Variants in LAMA1 observed in about 807,000 individuals in gnomAD.
LAMA1 encodes the protein laminin subunit alpha-1.
In LAMA1, 219 loss-of-function variants were observed where a neutral mutation model predicts 348.7. The ratio of observed to expected loss-of-function variants is 0.63; its 90% CI spans 0.56 to 0.70. The LOEUF (loss-of-function observed/expected upper bound fraction) is 0.70, where lower values mean the gene tolerates loss of function less well. Among genes scored for constraint, LAMA1 ranks in the 30% least tolerant of loss-of-function variants. LAMA1 has a pLI of 0.00. For missense variants in LAMA1, 3,744 were observed against 3,888.0 expected (o/e 0.96, Z 0.99); for synonymous variants, 1,487 against 1,491.0 (o/e 1.00, Z 0.06).
intron 42 of LAMA1, among the ~76,000 whole-genome samples, chr18:6,980,230 T>C (rs2057704721): frequency 6.6e-6 from 1 of 152,204 alleles, no homozygotes; most frequent in Non-Finnish European, 1.5e-5. Context: ...TCCTTCTTCC[T>C]CTAAGCAATG....
At chr18:6,980,219 G>A (rs984277403) in intron 42 of LAMA1, among the ~76,000 whole-genome samples, 1 of 152,086 alleles carries the variant, frequency 6.6e-6, no homozygotes, top group Non-Finnish European at 1.5e-5. Flanking sequence ...TCTTTCAATG[G>A]TCCTTCTTCC....
At chr18:7,067,614 C>T (rs1462838919) in intron 3 of LAMA1, among the ~76,000 whole-genome samples, 1 of 152,062 alleles carries the variant, frequency 6.6e-6, no homozygotes, top group African/African-American at 2.4e-5. Context: ...ATACAAGTGT[C>T]TGTATTTATC....
intron 3 of LAMA1, among the ~76,000 whole-genome samples, chr18:7,078,139 A>G (rs201838742): frequency 2.1e-5 from 3 of 140,798 alleles, no homozygotes; most frequent in East Asian, 2.1e-4. Flanking sequence ...TTCTCTTTTT[A>G]TTTTTTTTTG....
intron 52 of LAMA1, 26 bp from the exon 53 acceptor site, chr18:6,961,785 A>G: frequency 6.2e-7 from 1 of 1,613,558 alleles, no homozygotes; most frequent in Non-Finnish European, 8.5e-7. Flanking sequence ...ATGGAACAGC[A>G]TGGTGAGTTC....
chr18:6,948,649 C>A, intron 59 of LAMA1, 93 bp from the exon 60 acceptor site: 1 of 1,377,622 alleles, frequency 7.3e-7, no homozygotes, highest in South Asian at 1.2e-5. Flanking sequence ...CTGGTCTCAG[C>A]AAAACACATT....
chr18:7,031,847 C>A (rs1270707098), intron 16 of LAMA1, among the ~76,000 whole-genome samples: 1 of 150,562 alleles, frequency 6.6e-6, no homozygotes. Flanking sequence ...AGTTGTATAT[C>A]CCTTTTCCAC....
intron 3 of LAMA1, among the ~76,000 whole-genome samples, chr18:7,060,793 C>T (rs2058099295): frequency 1.3e-5 from 2 of 152,150 alleles, no homozygotes; most frequent in Non-Finnish European, 2.9e-5. Flanking sequence ...AGGAGCCCAC[C>T]CCGCAAGCTG....
At chr18:6,962,858 A>G (rs2057614724) in intron 51 of LAMA1, among the ~76,000 whole-genome samples, 1 of 151,978 alleles carries the variant, frequency 6.6e-6, no homozygotes, top group South Asian at 2.1e-4. Flanking sequence ...ATTATCCGAA[A>G]CTCTACTTCT....
chr18:6,987,125 C>A (rs1407132458), intron 36 of LAMA1, among the ~76,000 whole-genome samples: 1 of 152,202 alleles, frequency 6.6e-6, no homozygotes, highest in South Asian at 2.1e-4. Context: ...TTAAATCCCA[C>A]CTCCCCAAAT....
At chr18:7,093,233 G>C (rs946373021) in intron 1 of LAMA1, among the ~76,000 whole-genome samples, 4 of 152,094 alleles carry the variant, frequency 2.6e-5, no homozygotes, top group Admixed American at 6.6e-5. Flanking sequence ...TGGCTAACAC[G>C]GTGAAACCCC....
At position 6,961,965 on chromosome 18, in the gene LAMA1, T is replaced by C; in HGVS notation, c.7432A>G (p.Arg2478Gly). Reference protein sequence around the residue: ...FDLLRNSYGVRKGCLLEPIRS... With the variant: ...FDLLRNSYGVGKGCLLEPIRS... ...CCTACCTCCAGTAAACAGCCTTTTCTCACTCCATAGGAATTTCTGAGTAAG... is the reference window on the plus strand; with the variant it reads ...CCTACCTCCAGTAAACAGCCTTTTCCCACTCCATAGGAATTTCTGAGTAAG... Residue 2478 changes from arginine to glycine, a missense_variant, in exon 52 of 63, where the codon AGA becomes GGA. Physicochemically the swap from Arg to Gly is moderately radical, Grantham distance 125 (BLOSUM62 -2). Around this residue, in one of 3 missense-constraint regions of LAMA1, gnomAD observed 1,983 missense variants for 1,934.3 expected, o/e 1.03. Coordinates refer to ENST00000389658, the MANE Select transcript of LAMA1 (RefSeq NM_005559.4). The C allele has an allele frequency of 6.2e-7, 1 of 1,614,060 alleles. No homozygotes were observed. The highest frequency in any genetic ancestry group is 8.5e-7 in the Non-Finnish European group (1 of 1,179,894).
At chr18:7,003,030 G>A (rs558008847) in intron 29 of LAMA1, among the ~76,000 whole-genome samples, 5 of 149,916 alleles carry the variant, frequency 3.3e-5, no homozygotes, top group East Asian at 4.1e-4. Flanking sequence ...AGAGGCACAC[G>A]CCACCATGTT....
At chr18:7,117,244 C>T (rs1015493465) in intron 1 of LAMA1, among the ~76,000 whole-genome samples, 2 of 152,074 alleles carry the variant, frequency 1.3e-5, no homozygotes, top group African/African-American at 2.4e-5. Flanking sequence ...ATTCATCCCC[C>T]GCGCCCGGCC....
intron 54 of LAMA1, 61 bp downstream of exon 54, chr18:6,959,280 C>T: frequency 6.2e-7 from 1 of 1,612,374 alleles, no homozygotes; most frequent in Non-Finnish European, 8.5e-7. Flanking sequence ...CAAGGTTCCT[C>T]CCACATTCCC....
intron 49 of LAMA1, 181 bp from the exon 50 acceptor site, chr18:6,965,613 C>T: frequency 1.6e-6 from 1 of 627,480 alleles, no homozygotes; most frequent in Non-Finnish European, 2.8e-6. Flanking sequence ...TAGAACACTA[C>T]ACTAATATAA....
chr18:7,029,227 G>A (rs1025384949), intron 16 of LAMA1, among the ~76,000 whole-genome samples: 3 of 152,140 alleles, frequency 2.0e-5, no homozygotes, highest in Non-Finnish European at 4.4e-5. Context: ...CTGAGGTGGG[G>A]CCTGAGTTTC....
intron 1 of LAMA1, among the ~76,000 whole-genome samples, chr18:7,099,459 A>G (rs1028101777): frequency 6.6e-6 from 1 of 150,968 alleles, no homozygotes; most frequent in Non-Finnish European, 1.5e-5. Context: ...CCCAAGAATT[A>G]TCAATAAAAA....
chr18:7,072,690 C>G (rs1240866322), intron 3 of LAMA1, among the ~76,000 whole-genome samples: 1 of 152,088 alleles, frequency 6.6e-6, no homozygotes, highest in African/African-American at 2.4e-5. Context: ...AAAATCCTGC[C>G]CCAGGATGTC....
intron 36 of LAMA1, 43 bp downstream of exon 36, chr18:6,992,518 T>A (rs747037171): frequency 2.7e-5 from 44 of 1,605,998 alleles, no homozygotes; most frequent in Non-Finnish European, 3.7e-5. Context: ...TGCAAGTTTC[T>A]CTCTCTACTT....
Sources: allele counts gnomAD v4.1 joint callset (sites outside exome capture counted in the v4.1 genomes callset), GRCh38; gene constraint gnomAD v4.1.1; regional missense constraint gnomAD v4.1.1; transcripts MANE v1.5; gene names NCBI Gene and HGNC (gene_info 2026-07-23, HGNC 2026-07-21).